The following CNTNAP2 variants were observed in gnomAD, a reference collection of about 807,000 sequenced individuals.
CNTNAP2 encodes contactin-associated protein-like 2.
A neutral mutation model predicts 155.2 loss-of-function variants in CNTNAP2; 98 were observed. The observed-to-expected ratio is 0.63, with a 90% confidence interval of 0.54 to 0.75. The LOEUF (loss-of-function observed/expected upper bound fraction) is 0.75, where lower values mean the gene tolerates loss of function less well. CNTNAP2 is among the 30% of genes least tolerant of loss of function. CNTNAP2 has a pLI of 0.00. For synonymous variants in CNTNAP2, 651 were observed against 631.2 expected (o/e 1.03, Z -0.47); for missense variants, 1,727 against 1,688.1 (o/e 1.02, Z -0.40).
At chr7:146,201,015 T>A (rs1009010833) in intron 1 of CNTNAP2, among the ~76,000 whole-genome samples, 3 of 152,158 alleles carry the variant, frequency 2.0e-5, no homozygotes, top group African/African-American at 7.2e-5. Flanking sequence ...AATTACTGAA[T>A]CCAAAAGGGA....
intron 14 of CNTNAP2, among the ~76,000 whole-genome samples, chr7:147,939,340 A>G (rs964302318): frequency 1.3e-5 from 2 of 151,124 alleles, no homozygotes; most frequent in African/African-American, 4.9e-5. Flanking sequence ...TTTTTTTTTT[A>G]ATTTTATTTT....
chr7:146,474,459 T>C lies in CNTNAP2; in HGVS notation c.98-299812T>C, dbSNP rs2888375. 8.7e-4 allele frequency among the ~76,000 whole-genome samples: 132 copies of C among 151,668 alleles called. 1 individual carries two copies. The highest frequency in any genetic ancestry group is 6.8e-3 in the Middle Eastern group (2 of 292). On this transcript the variant is annotated intron_variant, in intron 1 of 23. Transcript: ENST00000361727. ...CTACCTCCCTCCATATATTCCTTTATGTGTCTTGCCAAACAGGGAAGGAGA... is the reference window on the plus strand; with the variant it reads ...CTACCTCCCTCCATATATTCCTTTACGTGTCTTGCCAAACAGGGAAGGAGA...
chr7:147,195,329 T>C (rs1042023225), intron 8 of CNTNAP2, among the ~76,000 whole-genome samples: 6 of 152,206 alleles, frequency 3.9e-5, no homozygotes, highest in South Asian at 4.1e-4. Context: ...TGTGGTCTTA[T>C]AGGATAGTTT....
chr7:146,293,623 C>T (rs1800466138), intron 1 of CNTNAP2, among the ~76,000 whole-genome samples: 1 of 152,010 alleles, frequency 6.6e-6, no homozygotes, highest in Non-Finnish European at 1.5e-5. Context: ...TGAGTCTATC[C>T]CATTCATCTC....
At chr7:147,562,340 G>C (rs368120155) in intron 12 of CNTNAP2, 83 bp downstream of exon 12, 2 of 1,578,942 alleles carry the variant, frequency 1.3e-6, no homozygotes, top group Non-Finnish European at 8.7e-7. Flanking sequence ...TTGTTTCTTT[G>C]GTGCTATGTT....
At chr7:147,778,937 G>C (rs545863218) in intron 13 of CNTNAP2, among the ~76,000 whole-genome samples, 1 of 152,304 alleles carries the variant, frequency 6.6e-6, no homozygotes, top group South Asian at 2.1e-4. Context: ...GTGTGGAAGG[G>C]AGAAAACATT....
intron 1 of CNTNAP2, among the ~76,000 whole-genome samples, chr7:146,520,313 C>CATAT (rs59563196): frequency 0.063 from 8,885 of 140,576 alleles, 285 homozygotes; most frequent in Middle Eastern, 0.097. Context: ...TAGATATATT[C>CATAT]ATATATATAT....
intron 1 of CNTNAP2, among the ~76,000 whole-genome samples, chr7:146,622,185 A>ACACGTATATATATACACC (rs1491453342): frequency 6.9e-4 from 99 of 144,044 alleles, no homozygotes; most frequent in South Asian, 3.6e-3. Flanking sequence ...ATATATACAC[A>ACACGTATATATATACACC]TATATACATA....
At chr7:147,979,659 G>A (rs760959765) in intron 15 of CNTNAP2, among the ~76,000 whole-genome samples, 1 of 151,934 alleles carries the variant, frequency 6.6e-6, no homozygotes, top group Non-Finnish European at 1.5e-5. Flanking sequence ...GTCTTGCTCT[G>A]TCGCCCAGGC....
intron 4 of CNTNAP2, among the ~76,000 whole-genome samples, chr7:147,095,676 T>C (rs1174944212): frequency 6.6e-6 from 1 of 152,128 alleles, no homozygotes; most frequent in Non-Finnish European, 1.5e-5. Flanking sequence ...TTTTTGTTTC[T>C]ACCTTCATTT....
At chr7:148,108,097 A>G (rs1047078231) in intron 15 of CNTNAP2, among the ~76,000 whole-genome samples, 2 of 152,142 alleles carry the variant, frequency 1.3e-5, no homozygotes, top group African/African-American at 4.8e-5. Context: ...CCCTCTGGGG[A>G]GGGAGGAGAC....
chr7:147,347,423 TATATATATATATATATGC>T (rs1394276142), intron 9 of CNTNAP2, among the ~76,000 whole-genome samples: 2 of 52,610 alleles, frequency 3.8e-5, no homozygotes, highest in African/African-American at 1.5e-4. Context: ...GAAAAGATTA[TATATATATATATATATGC>T]ATATATATAT....
At chr7:148,251,300 T>C (rs772314495) in intron 20 of CNTNAP2, among the ~76,000 whole-genome samples, 2 of 152,186 alleles carry the variant, frequency 1.3e-5, no homozygotes, top group African/African-American at 2.4e-5. Flanking sequence ...AGTTTTACTA[T>C]AAAGGATACA....
rs1439582669 is a variant in CNTNAP2, at chr7:147,592,477, G to GT, written c.1897+30220_1897+30221insT. 2.4e-4 allele frequency among the ~76,000 whole-genome samples: 20 copies of GT among 83,418 alleles called. No homozygotes were observed. In the East Asian group the frequency reaches 5.7e-3, roughly 24 times the overall value. The allele number at this position is 83,418 out of a possible 152,430, so 54.7% of individuals were successfully genotyped here. A position where few individuals can be genotyped will look rare whatever the true frequency, so the allele number is the denominator to read the frequency against. ...CTAATAATTAAAAGTGGTTGTTTCT[G>GT]GTTTTTTTTTTTTGCAAATGATTAA... On this transcript the variant is annotated intron_variant, in intron 12 of 23. Coordinates refer to ENST00000361727, the MANE Select transcript of CNTNAP2 (RefSeq NM_014141.6).
At chr7:146,982,925 G>T (rs924042377) in intron 3 of CNTNAP2, among the ~76,000 whole-genome samples, 1 of 152,000 alleles carries the variant, frequency 6.6e-6, no homozygotes, top group Non-Finnish European at 1.5e-5. Flanking sequence ...CGTATCCAGG[G>T]ATTATTTGCC....
At position 147,357,966 on chromosome 7, in the gene CNTNAP2, A is replaced by T. The variant is rs1796091304; in HGVS notation, c.1499-37643A>T. The stretch of plus-strand genomic sequence containing the variant: ...GTTGTGTCCACATCCATTCCAAACT[A>T]GATGCACCATAACAAAAATAACACT... On this transcript the variant is annotated intron_variant, in intron 9 of 23. Coordinates refer to ENST00000361727, the MANE Select transcript of CNTNAP2 (RefSeq NM_014141.6). 2.0e-5 allele frequency among the ~76,000 whole-genome samples: 3 copies of T among 152,268 alleles called. No homozygotes were observed. In the South Asian group the frequency reaches 6.2e-4, roughly 32 times the overall value.
intron 3 of CNTNAP2, among the ~76,000 whole-genome samples, chr7:146,876,614 C>G (rs6464776): frequency 0.24 from 36,995 of 152,052 alleles, 4,635 homozygotes; most frequent in Non-Finnish European, 0.28. Context: ...TTATTAAACC[C>G]TTACATTTGT....
intron 3 of CNTNAP2, among the ~76,000 whole-genome samples, chr7:147,024,447 T>C (rs978874451): frequency 2.0e-5 from 3 of 152,172 alleles, no homozygotes; most frequent in African/African-American, 7.2e-5. Context: ...AATGTTATTA[T>C]TGGAGGAAAC....
chr7:146,686,159 A>G (rs1421759586), intron 1 of CNTNAP2, among the ~76,000 whole-genome samples: 2 of 152,044 alleles, frequency 1.3e-5, no homozygotes, highest in South Asian at 4.2e-4. Flanking sequence ...AAAATTACCC[A>G]GGAGTGGTGG....
Sources: allele counts gnomAD v4.1 joint callset (sites outside exome capture counted in the v4.1 genomes callset), GRCh38; gene constraint gnomAD v4.1.1; transcripts MANE v1.5; gene names NCBI Gene and HGNC (gene_info 2026-07-23, HGNC 2026-07-21).